AGMO: variants seen among roughly 807,000 people sequenced by gnomAD.
AGMO encodes the protein alkylglycerol monooxygenase.
Under a neutral mutation model 60.2 loss-of-function variants are expected in AGMO, and 75 were observed. The observed-to-expected ratio is 1.25, with a 90% CI of 1.03 to 1.51. The LOEUF (loss-of-function observed/expected upper bound fraction) is 1.51. AGMO is among the 40% of genes most tolerant of loss of function. The probability of loss-of-function intolerance (pLI) is 0.00; values close to 1 mark genes in which losing one functional copy is unlikely to be tolerated. For missense variants in AGMO, 763 were observed against 525.5 expected, an observed-to-expected ratio of 1.45 and a Z score of -4.42; for synonymous variants, 261 against 177.1, an observed-to-expected ratio of 1.47 and a Z score of -3.76.
At chr7:15,314,887 A>G (rs1395705339) in intron 12 of AGMO, among the ~76,000 whole-genome samples, 2 of 152,238 alleles carry the variant, frequency 1.3e-5, no homozygotes, top group African/African-American at 2.4e-5. Flanking sequence ...AAGATGTGAC[A>G]TAAGGGAAAA....
intron 12 of AGMO, among the ~76,000 whole-genome samples, chr7:15,262,392 A>G (rs1414238558): frequency 6.6e-6 from 1 of 152,072 alleles, no homozygotes; most frequent in Non-Finnish European, 1.5e-5. Context: ...GCATAAATAA[A>G]ATAAAATACT....
At chr7:15,407,624 G>C (rs994675591) in intron 5 of AGMO, among the ~76,000 whole-genome samples, 1 of 151,682 alleles carries the variant, frequency 6.6e-6, no homozygotes, top group African/African-American at 2.4e-5. Context: ...AAACCCATAA[G>C]CATCTTCATT....
intron 12 of AGMO, among the ~76,000 whole-genome samples, chr7:15,341,645 A>G (rs988626098): frequency 8.5e-5 from 13 of 152,096 alleles, no homozygotes; most frequent in Non-Finnish European, 1.0e-4. Context: ...GCAGCACACC[A>G]CTACCCAGTA....
chr7:15,123,889 G>A, the AGMO span, among the ~76,000 whole-genome samples: 2 of 152,088 alleles, frequency 1.3e-5, no homozygotes, highest in Admixed American at 1.3e-4. Context: ...CCAGTAAAGT[G>A]AGCGTACGCT....
intron 12 of AGMO, among the ~76,000 whole-genome samples, chr7:15,344,764 C>A (rs191333946): frequency 7.2e-5 from 11 of 152,122 alleles, no homozygotes; most frequent in African/African-American, 2.7e-4. Context: ...AAGACTTTTC[C>A]ATTAGAAATA....
chr7:15,299,993 A>G (rs1784523142), intron 12 of AGMO, among the ~76,000 whole-genome samples: 1 of 152,164 alleles, frequency 6.6e-6, no homozygotes, highest in Admixed American at 6.6e-5. Context: ...AGCTGTGAAT[A>G]CTATTAAATA....
chr7:15,300,027 T>A (rs1027602927), intron 12 of AGMO, among the ~76,000 whole-genome samples: 3 of 152,054 alleles, frequency 2.0e-5, no homozygotes, highest in Non-Finnish European at 4.4e-5. Flanking sequence ...GCATGGAATT[T>A]GAGAAGAGAA....
chr7:15,277,497 CT>C (rs1226909796), intron 12 of AGMO, among the ~76,000 whole-genome samples: 1 of 151,810 alleles, frequency 6.6e-6, no homozygotes. Flanking sequence ...GAAGCTGACA[CT>C]TCTTGCTTTT....
chr7:15,233,821 G>A (rs546326861), intron 12 of AGMO, among the ~76,000 whole-genome samples: 12 of 152,130 alleles, frequency 7.9e-5, no homozygotes, highest in South Asian at 2.1e-4. Flanking sequence ...GGAGGCTGAG[G>A]CGCGTGGATC....
At chr7:15,232,529 T>C (rs1293196985) in intron 12 of AGMO, among the ~76,000 whole-genome samples, 2 of 152,074 alleles carry the variant, frequency 1.3e-5, no homozygotes, top group Non-Finnish European at 2.9e-5. Flanking sequence ...GACAAGAGGA[T>C]TGGAGAAGAG....
intron 5 of AGMO, among the ~76,000 whole-genome samples, chr7:15,413,509 A>G (rs976373774): frequency 2.6e-5 from 4 of 152,172 alleles, no homozygotes; most frequent in East Asian, 1.9e-4. Flanking sequence ...TAAATACCAC[A>G]GTGGCACGTT....
chr7:15,152,876 G>C, the AGMO span, among the ~76,000 whole-genome samples: 1 of 152,100 alleles, frequency 6.6e-6, no homozygotes, highest in African/African-American at 2.4e-5. Context: ...GGGATTGCTG[G>C]ATCAAATGAC....
intron 5 of AGMO, among the ~76,000 whole-genome samples, chr7:15,406,525 G>A (rs1363823769): frequency 8.7e-6 from 1 of 115,094 alleles, no homozygotes; most frequent in Non-Finnish European, 1.7e-5. Context: ...TGCCAGTTCA[G>A]GTCAGAAGAC....
At chr7:15,435,598 A>G (rs566200315) in intron 3 of AGMO, among the ~76,000 whole-genome samples, 96 of 152,158 alleles carry the variant, frequency 6.3e-4, no homozygotes, top group African/African-American at 2.2e-3. Context: ...ACATCTTTGT[A>G]TCTTCTGCAT....
intron 12 of AGMO, among the ~76,000 whole-genome samples, chr7:15,345,546 G>A (rs1436703398): frequency 2.0e-5 from 3 of 152,154 alleles, no homozygotes. Flanking sequence ...AAACTCTACT[G>A]TAATTACTAT....
intron 12 of AGMO, among the ~76,000 whole-genome samples, chr7:15,236,913 A>G (rs1195399954): frequency 6.6e-6 from 1 of 152,130 alleles, no homozygotes; most frequent in Non-Finnish European, 1.5e-5. Context: ...CATCTAAGAA[A>G]CTGGTAAATA....
chr7:15,184,207 T>C, the AGMO span, among the ~76,000 whole-genome samples: 2 of 150,330 alleles, frequency 1.3e-5, no homozygotes, highest in African/African-American at 4.9e-5. Context: ...TCATATTTCT[T>C]TGGAAAAAAG....
At chr7:15,404,253 C>T (rs1037092752) in intron 5 of AGMO, among the ~76,000 whole-genome samples, 4 of 151,762 alleles carry the variant, frequency 2.6e-5, no homozygotes, top group African/African-American at 9.7e-5. Context: ...TAAAGGACTG[C>T]GTTTATAATA....
chr7:15,343,220 G>T (rs1490508164), intron 12 of AGMO, among the ~76,000 whole-genome samples: 1 of 151,962 alleles, frequency 6.6e-6, no homozygotes, highest in Non-Finnish European at 1.5e-5. Context: ...TTTTTATTAT[G>T]CCCCTTTAAT....
Sources: allele counts gnomAD v4.1 joint callset (sites outside exome capture counted in the v4.1 genomes callset), GRCh38; gene constraint gnomAD v4.1.1; transcripts MANE v1.5; gene names NCBI Gene and HGNC (gene_info 2026-07-23, HGNC 2026-07-21).